The following ITPR1 variants were observed in gnomAD, a reference collection of about 807,000 sequenced individuals.
ITPR1 encodes the protein inositol 1,4,5-trisphosphate receptor type 1.
In ITPR1, 96 loss-of-function variants were observed where a neutral mutation model predicts 318.4. The ratio of observed to expected loss-of-function variants is 0.30; its 90% CI spans 0.26 to 0.36. ITPR1 has a LOEUF of 0.36. Among genes scored for constraint, ITPR1 ranks in the 10% least tolerant of loss-of-function variants. ITPR1 has a pLI of 1.00. For missense variants in ITPR1, 2,440 were observed against 3,460.2 expected, an observed-to-expected ratio of 0.71 and a Z score of 7.40; for synonymous variants, 1,312 against 1,289.9, an observed-to-expected ratio of 1.02 and a Z score of -0.37.
At chr3:4,763,882 G>A (rs78169932) in intron 44 of ITPR1, among the ~76,000 whole-genome samples, 1,786 of 152,364 alleles carry the variant, frequency 0.012, 35 homozygotes, top group African/African-American at 0.041. Context: ...GCTGCTGTCA[G>A]ATAACAGATG....
intron 55 of ITPR1, 60 bp downstream of exon 55, chr3:4,806,327 C>A: frequency 6.8e-7 from 1 of 1,472,228 alleles, no homozygotes; most frequent in Non-Finnish European, 9.5e-7. Flanking sequence ...GTCCTATGTC[C>A]TCTCTCTCAT....
intron 42 of ITPR1, among the ~76,000 whole-genome samples, chr3:4,730,347 A>G (rs1023213939): frequency 7.1e-6 from 1 of 140,840 alleles, no homozygotes; most frequent in African/African-American, 2.8e-5. Context: ...AATTAAAAGC[A>G]AAAAAAAAAG....
intron 32 of ITPR1, among the ~76,000 whole-genome samples, chr3:4,693,161 A>G (rs1013878737): frequency 1.3e-5 from 2 of 152,202 alleles, no homozygotes; most frequent in African/African-American, 4.8e-5. Context: ...TTAAAAAGAA[A>G]TATCATAGCC....
At chr3:4,717,895 G>T (rs931746888) in intron 40 of ITPR1, among the ~76,000 whole-genome samples, 2 of 152,186 alleles carry the variant, frequency 1.3e-5, no homozygotes, top group Admixed American at 1.3e-4. Context: ...TTTAAGCGCA[G>T]TGTGAATTCC....
chr3:4,813,724 A>T (rs2049091388), intron 57 of ITPR1, among the ~76,000 whole-genome samples: 1 of 152,214 alleles, frequency 6.6e-6, no homozygotes, highest in Non-Finnish European at 1.5e-5. Context: ...GGAGATAATG[A>T]TTATAAGGAA....
At chr3:4,539,675 T>G (rs1415633350) in intron 4 of ITPR1, among the ~76,000 whole-genome samples, 1 of 152,166 alleles carries the variant, frequency 6.6e-6, no homozygotes, top group African/African-American at 2.4e-5. Context: ...AGGTGATTCA[T>G]TCATGGACTA....
rs1232563771 is a variant in ITPR1, at chr3:4,673,194, GA to G, written c.2266del (p.Ile756SerfsTer47). ...GGACCGCCAATACCTGGCCATCAAC[GA>G]AATCTCAGGCCAGCTGGATGTCGAT... is the stretch of plus-strand genomic sequence containing the variant. The part of the protein sequence containing the change: ...CLDRQYLAIN[E>X]ISGQLDVDLI... On this transcript the variant is annotated frameshift_variant, in exon 21 of 62. Coordinates refer to ENST00000649015, the MANE Select transcript of ITPR1 (RefSeq NM_001378452.1). LOFTEE classifies it high-confidence loss of function. 1 of 1,613,906 alleles carries G rather than the reference GA, an allele frequency of 6.2e-7. No homozygotes were observed. The highest frequency in any genetic ancestry group is 8.5e-7 in the Non-Finnish European group (1 of 1,179,864).
intron 4 of ITPR1, among the ~76,000 whole-genome samples, chr3:4,626,355 C>T (rs2092828061): frequency 6.6e-6 from 1 of 152,016 alleles, no homozygotes; most frequent in Admixed American, 6.6e-5. Flanking sequence ...ATCATTAATA[C>T]CTTAAAACAC....
At chr3:4,603,412 C>CTT (rs1251624167) in intron 4 of ITPR1, among the ~76,000 whole-genome samples, 1 of 151,768 alleles carries the variant, frequency 6.6e-6, no homozygotes, top group South Asian at 2.1e-4. Flanking sequence ...ATTTTCTTTT[C>CTT]TTTTCTTTTT....
intron 4 of ITPR1, among the ~76,000 whole-genome samples, chr3:4,540,394 A>G (rs1363774969): frequency 6.6e-6 from 1 of 152,234 alleles, no homozygotes; most frequent in Non-Finnish European, 1.5e-5. Flanking sequence ...GCTGTCTCTC[A>G]TAAACTGTAC....
At chr3:4,706,054 TG>T in intron 36 of ITPR1, 112 bp from the exon 37 acceptor site, 1 of 1,024,778 alleles carries the variant, frequency 9.8e-7, no homozygotes, top group Non-Finnish European at 1.5e-6. Context: ...CCAGGCAAGC[TG>T]GCCCATTCTG....
intron 4 of ITPR1, among the ~76,000 whole-genome samples, chr3:4,525,593 A>G (rs1409977932): frequency 1.3e-5 from 2 of 152,198 alleles, no homozygotes; most frequent in African/African-American, 4.8e-5. Flanking sequence ...TTGTCCTCGT[A>G]AGGGATGAGG....
chr3:4,532,099 CT>C (rs1392724702), intron 4 of ITPR1, among the ~76,000 whole-genome samples: 4 of 152,178 alleles, frequency 2.6e-5, no homozygotes, highest in African/African-American at 9.7e-5. Flanking sequence ...TTGGTTTTGA[CT>C]TTTAACTTGA....
At chr3:4,576,025 A>G (rs2088616619) in intron 4 of ITPR1, among the ~76,000 whole-genome samples, 1 of 152,068 alleles carries the variant, frequency 6.6e-6, no homozygotes, top group Non-Finnish European at 1.5e-5. Context: ...GTCTCAAAAA[A>G]AAAAAAAAAA....
In ITPR1 at chr3:4,697,260, A is replaced by T. The variant is rs767193785; in HGVS notation, c.4395A>T (p.Val1465=). ...GGAAATTGTTTGAGAATTTCCTTGT[A>T]GACATCTGCAGGGTAAGGCTTTTGG... ...HMWKLFENFL[V]DICRACNNTS... Residue 1465 remains valine (V), a synonymous_variant, in exon 34 of 62, where the codon GTA becomes GTT. Transcript: ENST00000649015. 1 of 1,556,952 alleles carries T rather than the reference A, an allele frequency of 6.4e-7. No homozygotes were observed. Among genetic ancestry groups the T allele is most frequent in the Non-Finnish European group, 8.7e-7 (1 of 1,149,522 alleles).
At chr3:4,545,658 TTTTTTGTGTTC>T (rs2084915154) in intron 4 of ITPR1, among the ~76,000 whole-genome samples, 1 of 151,226 alleles carries the variant, frequency 6.6e-6, no homozygotes. Context: ...GGAAGCATCT[TTTTTTGTGTTC>T]ATATCACGGC....
chr3:4,671,365 G>A (rs893875633), intron 20 of ITPR1, among the ~76,000 whole-genome samples: 23 of 152,042 alleles, frequency 1.5e-4, no homozygotes, highest in Admixed American at 4.6e-4. Flanking sequence ...AGATGTGTGT[G>A]TTTGTATACA....
At chr3:4,722,415 G>A (rs922437959) in intron 40 of ITPR1, among the ~76,000 whole-genome samples, 1 of 152,108 alleles carries the variant, frequency 6.6e-6, no homozygotes, top group Non-Finnish European at 1.5e-5. Flanking sequence ...CAGAGAGCCC[G>A]TGCCCTCAAA....
At chr3:4,706,767 C>T (rs1434525284) in intron 37 of ITPR1, among the ~76,000 whole-genome samples, 1 of 152,158 alleles carries the variant, frequency 6.6e-6, no homozygotes, top group Admixed American at 6.5e-5. Context: ...CAGAATGAGC[C>T]AGATGGAAAC....
Sources: gnomAD v4.1 joint callset for allele counts (sites outside exome capture counted in the v4.1 genomes callset) on GRCh38, gnomAD v4.1.1 for gene constraint, MANE v1.5 for transcripts, NCBI Gene and HGNC (gene_info 2026-07-23, HGNC 2026-07-21) for gene names.